Variants in CRYBG1 observed in about 807,000 individuals in gnomAD.
CRYBG1 encodes the protein crystallin beta-gamma domain containing 1, also known as beta/gamma crystallin domain-containing protein 1.
A neutral mutation model predicts 189.2 loss-of-function variants in CRYBG1; 139 were observed. The ratio of observed to expected loss-of-function variants is 0.73; its 90% CI spans 0.64 to 0.85. The LOEUF is 0.85. Among genes scored for constraint, CRYBG1 ranks in the 40% least tolerant of loss-of-function variants. CRYBG1 has a pLI of 0.00. For synonymous variants in CRYBG1, 1,023 were observed against 1,017.1 expected, an observed-to-expected ratio of 1.01 and a Z score of -0.11; for missense variants, 2,611 against 2,675.8, an observed-to-expected ratio of 0.98 and a Z score of 0.53.
intron 1 of CRYBG1, among the ~76,000 whole-genome samples, chr6:106,425,562 A>G (rs1490364058): frequency 6.6e-6 from 1 of 152,192 alleles, no homozygotes; most frequent in Non-Finnish European, 1.5e-5. Context: ...GCAGTTCACT[A>G]ACTAAATACA....
chr6:106,456,918 A>G (rs1040446629), intron 2 of CRYBG1, among the ~76,000 whole-genome samples: 2 of 152,128 alleles, frequency 1.3e-5, no homozygotes, highest in Non-Finnish European at 2.9e-5. Context: ...CTAGGACACA[A>G]TACATCAACA....
At chr6:106,564,987 T>TGA (rs1253348542) in intron 21 of CRYBG1, among the ~76,000 whole-genome samples, 245 of 152,286 alleles carry the variant, frequency 1.6e-3, no homozygotes, top group African/African-American at 5.8e-3. Flanking sequence ...TTTACTTTAA[T>TGA]CAGGGATTTA....
chr6:106,462,451 G>C (rs749869039), intron 2 of CRYBG1, among the ~76,000 whole-genome samples: 27 of 152,162 alleles, frequency 1.8e-4, no homozygotes, highest in Non-Finnish European at 3.2e-4. Context: ...GAGCCACCGC[G>C]CCCGGCCTTT....
intron 2 of CRYBG1, among the ~76,000 whole-genome samples, chr6:106,492,091 A>G (rs960658924): frequency 1.3e-5 from 2 of 152,124 alleles, no homozygotes; most frequent in African/African-American, 4.8e-5. Flanking sequence ...TTCTGACTGC[A>G]CACCCTCACT....
chr6:106,415,191 A>G (rs777241851), intron 1 of CRYBG1, among the ~76,000 whole-genome samples: 15 of 152,190 alleles, frequency 9.9e-5, no homozygotes, highest in Non-Finnish European at 1.5e-4. Context: ...ATAAAATAAT[A>G]TGTTTCTCAT....
rs1006671663 is a variant in CRYBG1 at position 106,477,563 on chromosome 6, A to G, written c.312+25731A>G. Reference sequence around the variant, plus strand: ...TCAGCCCATAGTTAATGAATTATCTATTACTATTTCAAATTAAACTTCATG... The same window carrying G: ...TCAGCCCATAGTTAATGAATTATCTGTTACTATTTCAAATTAAACTTCATG... On this transcript the variant is annotated intron_variant, in intron 2 of 21. Transcript: ENST00000633556. 2.6e-5 allele frequency among the ~76,000 whole-genome samples: 4 copies of G among 152,286 alleles called. No individual in the cohort carries two copies. The South Asian group carries it at 8.3e-4, about 32-fold the overall frequency.
chr6:106,446,198 C>T (rs1309358936), intron 1 of CRYBG1, among the ~76,000 whole-genome samples: 2 of 152,212 alleles, frequency 1.3e-5, no homozygotes, highest in African/African-American at 2.4e-5. Flanking sequence ...TAAATGGTTG[C>T]TCTCTACCAT....
rs970678240 is a variant in CRYBG1 at position 106,360,872 on chromosome 6, C to G, written c.-37C>G. ...ATAGGGCCCGGGCGGCAGAGAGGACCGCGTCCCGGCAGTCGGAGCGGGAGG... is the reference window on the plus strand; with the variant it reads ...ATAGGGCCCGGGCGGCAGAGAGGACGGCGTCCCGGCAGTCGGAGCGGGAGG... On this transcript the variant is annotated 5_prime_UTR_variant, in exon 1 of 22. Transcript: ENST00000633556. 1.0e-4 allele frequency: 157 copies of G among 1,503,736 alleles called. No homozygotes were observed. The highest frequency in any genetic ancestry group is 1.3e-4 in the Non-Finnish European group (143 of 1,130,820). The allele number at this position is 1,503,736 out of a possible 1,614,324, so 93.1% of individuals were successfully genotyped here.
intron 13 of CRYBG1, among the ~76,000 whole-genome samples, chr6:106,546,577 C>T (rs1774269870): frequency 6.6e-6 from 1 of 152,174 alleles, no homozygotes; most frequent in Admixed American, 6.5e-5. Context: ...CTTGTCTAGG[C>T]CGTTGCATGT....
intron 7 of CRYBG1, among the ~76,000 whole-genome samples, chr6:106,528,622 T>G (rs1271566658): frequency 1.3e-5 from 2 of 152,152 alleles, no homozygotes; most frequent in Non-Finnish European, 2.9e-5. Context: ...ATCTTTGTGA[T>G]TGGCAACTGG....
Position 106,512,972 on chromosome 6 carries a change from G to A in CRYBG1, c.1855G>A (p.Ala619Thr), listed in dbSNP as rs181330890. Residue 619 changes from alanine (A) to threonine (T), a missense_variant, in exon 3 of 22, where the codon GCC becomes ACC. Physicochemically the swap from Ala to Thr is moderately conservative, Grantham distance 58. Coordinates refer to ENST00000633556, the MANE Select transcript of CRYBG1 (RefSeq NM_001371242.2). ...GGCCGGAGCGCCTGGAGCTTCTGAC[G>A]CCGACGGCTTGAAGCCCAGGAACCA... ...RAAGAPGASD[A>T]DGLKPRNHFG... 1.2e-5 allele frequency: 20 copies of A among 1,611,064 alleles called. No individual in the cohort carries two copies. In the South Asian group the frequency reaches 1.3e-4, roughly 11 times the overall value.
chr6:106,427,952 C>G (rs985228015), intron 1 of CRYBG1, among the ~76,000 whole-genome samples: 2 of 152,182 alleles, frequency 1.3e-5, no homozygotes, highest in African/African-American at 4.8e-5. Context: ...TGGTAATGCT[C>G]TTCCCCAGAT....
Position 106,373,038 on chromosome 6 carries a change from TA to T in CRYBG1, c.173+11958del, listed in dbSNP as rs528291335. On this transcript the variant is annotated intron_variant, in intron 1 of 21. Coordinates refer to ENST00000633556, the MANE Select transcript of CRYBG1 (RefSeq NM_001371242.2). ...TGTGTGTGTGTACAGGGGAGGTAAC[TA>T]GCTAATGAATAAAGCTTCCCGTAGA... Among the ~76,000 whole-genome samples, 531 of 152,296 alleles carry T rather than the reference TA, an allele frequency of 3.5e-3. 3 individuals are homozygous for T. Among genetic ancestry groups the T allele is most frequent in the African/African-American group, 0.012 (493 of 41,556 alleles).
At position 106,511,697 on chromosome 6, in the gene CRYBG1, G is replaced by C. The variant is rs1562095111; in HGVS notation, c.580G>C (p.Glu194Gln). The stretch of plus-strand genomic sequence containing the variant: ...CCCGCGGGAGAATCCCCGAGAGGCA[G>C]AGGGCGAGCTCCCCGAGAGCGGTGG... ...GSPRENPREAEGELPESGGPA... is the reference protein window; with the variant it reads ...GSPRENPREAQGELPESGGPA... Residue 194 changes from glutamate to glutamine, a missense_variant, in exon 3 of 22, where the codon GAG becomes CAG. By Grantham distance (29) the Glu-to-Gln change is conservative. Coordinates refer to ENST00000633556, the MANE Select transcript of CRYBG1 (RefSeq NM_001371242.2). The C allele has an allele frequency of 6.5e-7, 1 of 1,535,452 alleles. No individual in the cohort carries two copies. Among genetic ancestry groups the C allele is most frequent in the Admixed American group, 2.0e-5 (1 of 50,964 alleles).
Position 106,457,984 on chromosome 6 carries a change from CTAA to C in CRYBG1, c.312+6160_312+6162del, listed in dbSNP as rs1771923143. ...AAACTATGGAAATATACATTAAAAA[CTAA>C]TAATAATTACATGTGGTAAGGTGAT... On this transcript the variant is annotated intron_variant, in intron 2 of 21. Transcript: ENST00000633556. 2.6e-5 allele frequency among the ~76,000 whole-genome samples: 4 copies of C among 152,138 alleles called. No individual in the cohort carries two copies. In the South Asian group the frequency reaches 8.3e-4, roughly 31 times the overall value.
At chr6:106,475,676 G>C (rs1183291352) in intron 2 of CRYBG1, among the ~76,000 whole-genome samples, 1 of 152,182 alleles carries the variant, frequency 6.6e-6, no homozygotes, top group Non-Finnish European at 1.5e-5. Flanking sequence ...GAGAGTCGGG[G>C]CTTTATCCTG....
intron 21 of CRYBG1, among the ~76,000 whole-genome samples, chr6:106,564,835 C>G (rs1167106876): frequency 6.6e-6 from 1 of 151,568 alleles, no homozygotes; most frequent in Admixed American, 6.6e-5. Context: ...CTTTTTTATT[C>G]CCTATCAGGA....
chr6:106,467,501 AAGAG>A (rs1301562977), intron 2 of CRYBG1, among the ~76,000 whole-genome samples: 1 of 152,024 alleles, frequency 6.6e-6, no homozygotes, highest in Non-Finnish European at 1.5e-5. Context: ...AGAAAACAAA[AAGAG>A]AGAAAGAAAG....
intron 2 of CRYBG1, among the ~76,000 whole-genome samples, chr6:106,490,703 G>A (rs558863383): frequency 1.3e-5 from 2 of 152,296 alleles, no homozygotes; most frequent in Admixed American, 1.3e-4. Flanking sequence ...CAGTCATAGA[G>A]TCAGGAGCAG....
Sources: allele counts gnomAD v4.1 joint callset (sites outside exome capture counted in the v4.1 genomes callset), GRCh38; gene constraint gnomAD v4.1.1; transcripts MANE v1.5; gene names NCBI Gene and HGNC (gene_info 2026-07-23, HGNC 2026-07-21).